Variants in ARMC9 observed in about 807,000 individuals in gnomAD.
ARMC9 encodes the protein lisH domain-containing protein ARMC9.
ARMC9 carries 94 observed loss-of-function variants against 107.0 expected under a neutral mutation model. The ratio of observed to expected loss-of-function variants is 0.88; its 90% CI spans 0.74 to 1.04. The LOEUF is 1.04. ARMC9 is among the 50% of genes least tolerant of loss of function. ARMC9 has a pLI of 0.00. For synonymous variants in ARMC9, 380 were observed against 396.9 expected, an observed-to-expected ratio of 0.96 and a Z score of 0.51; for missense variants, 942 against 1,030.1, an observed-to-expected ratio of 0.91 and a Z score of 1.17.
At chr2:231,334,684 C>T (rs775569929) in intron 20 of ARMC9, among the ~76,000 whole-genome samples, 3 of 152,064 alleles carry the variant, frequency 2.0e-5, no homozygotes, top group Admixed American at 6.6e-5. Context: ...GCGCTGAGGC[C>T]GGATGCACTC....
In ARMC9 at chr2:231,208,218, G is replaced by A; in HGVS notation, c.143G>A (p.Gly48Glu). The A allele has an allele frequency of 6.2e-7, 1 of 1,610,500 alleles. No individual in the cohort carries two copies. Among genetic ancestry groups the A allele is most frequent in the Middle Eastern group, 1.7e-4 (1 of 6,054 alleles). Residue 48 changes from glycine to glutamate, a missense_variant, in exon 3 of 25, where the codon GGA (glycine) becomes GAA (glutamate). Physicochemically the swap from Gly to Glu is moderately conservative, Grantham distance 98. Coordinates refer to ENST00000611582, the MANE Select transcript of ARMC9 (RefSeq NM_001352754.2). ...AAACCATTGTGTAAAACAGTAGGCG[G>A]ATCTTTCAGAGACTCCAAATCATTG... ...KGKPLCKTVGGSFRDSKSLTI... is the reference protein window; with the variant it reads ...KGKPLCKTVGESFRDSKSLTI...
At chr2:231,223,382 A>G (rs1358126269) in intron 6 of ARMC9, among the ~76,000 whole-genome samples, 3 of 152,232 alleles carry the variant, frequency 2.0e-5, no homozygotes, top group Admixed American at 6.5e-5. Context: ...TAACTGGACA[A>G]AGTACCAGGG....
chr2:231,333,602 G>A (rs1004432185), intron 20 of ARMC9, among the ~76,000 whole-genome samples: 7 of 152,190 alleles, frequency 4.6e-5, no homozygotes, highest in Non-Finnish European at 7.3e-5. Flanking sequence ...GGCCTCTGTC[G>A]CCCTTTGGAA....
chr2:231,363,590 A>G (rs968180641), intron 23 of ARMC9, among the ~76,000 whole-genome samples: 6 of 152,194 alleles, frequency 3.9e-5, no homozygotes, highest in African/African-American at 1.4e-4. Flanking sequence ...AGGCTAGAGA[A>G]TAAAAGTCTA....
In ARMC9 at chr2:231,326,409, G is replaced by A. The variant is rs1000420111; in HGVS notation, c.1774-5384G>A. 2.6e-5 allele frequency among the ~76,000 whole-genome samples: 4 copies of A among 152,258 alleles called. No homozygotes were observed. The East Asian group carries it at 7.7e-4, about 29-fold the overall frequency. Reference sequence around the variant, plus strand: ...CCCCAAATGCAAGCTAGCAGGAGCAGCATCTCCTCAGTAGCCCCTTCCCTG... The same window carrying A: ...CCCCAAATGCAAGCTAGCAGGAGCAACATCTCCTCAGTAGCCCCTTCCCTG... On this transcript the variant is annotated intron_variant, in intron 19 of 24. Coordinates refer to ENST00000611582, the MANE Select transcript of ARMC9 (RefSeq NM_001352754.2).
At chr2:231,214,782 G>A (rs2033308502) in intron 3 of ARMC9, 49 bp from the exon 4 acceptor site, 2 of 1,580,294 alleles carry the variant, frequency 1.3e-6, no homozygotes, top group Non-Finnish European at 1.7e-6. Context: ...TGAGAATTTT[G>A]GGTGTTGAAA....
chr2:231,361,124 G>A (rs748863478), intron 23 of ARMC9, among the ~76,000 whole-genome samples: 10 of 152,250 alleles, frequency 6.6e-5, no homozygotes, highest in Admixed American at 3.3e-4. Context: ...GCACTCAGAA[G>A]CATGCCCATG....
Position 231,376,570 on chromosome 2 carries a change from C to G in ARMC9, c.*5035C>G, listed in dbSNP as rs1008116566. Among the ~76,000 whole-genome samples, 11 of 152,314 alleles carry G rather than the reference C, an allele frequency of 7.2e-5. No individual in the cohort carries two copies. The highest frequency in any genetic ancestry group is 2.6e-4 in the African/African-American group (11 of 41,544). On this transcript the variant is annotated 3_prime_UTR_variant, in exon 25 of 25. Coordinates refer to ENST00000611582, the MANE Select transcript of ARMC9 (RefSeq NM_001352754.2). ...GACCGGTTGCTCTCAAACCCTGTCT[C>G]CTGATAAGATGTTATCAATGACAAT... is the stretch of plus-strand genomic sequence containing the variant.
intron 21 of ARMC9, among the ~76,000 whole-genome samples, chr2:231,352,930 C>T (rs1460765821): frequency 7.6e-6 from 1 of 130,996 alleles, no homozygotes; most frequent in Non-Finnish European, 1.5e-5. Context: ...GGCCGGGCGC[C>T]ATGGCTCACG....
At chr2:231,224,072 G>T (rs1419661791) in intron 6 of ARMC9, among the ~76,000 whole-genome samples, 1 of 152,020 alleles carries the variant, frequency 6.6e-6, no homozygotes, top group Non-Finnish European at 1.5e-5. Flanking sequence ...ATAATTATGG[G>T]TGCCAATATG....
At chr2:231,359,921 T>C (rs1412758766) in intron 22 of ARMC9, among the ~76,000 whole-genome samples, 2 of 152,072 alleles carry the variant, frequency 1.3e-5, no homozygotes, top group African/African-American at 4.8e-5. Context: ...ATTAAACAGA[T>C]CACATTGCAA....
At chr2:231,285,499 A>T (rs2040522431) in intron 17 of ARMC9, among the ~76,000 whole-genome samples, 1 of 151,812 alleles carries the variant, frequency 6.6e-6, no homozygotes, top group African/African-American at 2.4e-5. Flanking sequence ...TACAATAATT[A>T]GCCAGGTGTG....
rs150602489 is a variant in ARMC9 at position 231,213,737 on chromosome 2, A to C, written c.178-1094A>C. Among the ~76,000 whole-genome samples, 486 of 152,236 alleles carry C rather than the reference A, an allele frequency of 3.2e-3. 2 individuals are homozygous for C. The highest frequency in any genetic ancestry group is 0.011 in the African/African-American group (469 of 41,542). ...TGATCCACCTGCCTTGGCCTCCCGA[A>C]GTGCTGGGATTACAGGTGTGAGCCA... On this transcript the variant is annotated intron_variant, in intron 3 of 24. Coordinates refer to ENST00000611582, the MANE Select transcript of ARMC9 (RefSeq NM_001352754.2).
At chr2:231,248,833 A>T (rs868046744) in intron 9 of ARMC9, among the ~76,000 whole-genome samples, 1 of 145,156 alleles carries the variant, frequency 6.9e-6, no homozygotes, top group South Asian at 2.2e-4. Context: ...AAAAAAAAAA[A>T]GCTGGCCATA....
chr2:231,259,041 A>G lies in ARMC9; in HGVS notation c.965A>G (p.Lys322Arg). 1 of 1,614,190 alleles carries G rather than the reference A, an allele frequency of 6.2e-7. No individual in the cohort carries two copies. The highest frequency in any genetic ancestry group is 8.5e-7 in the Non-Finnish European group (1 of 1,180,022). Residue 322 changes from lysine (K) to arginine (R), a missense_variant, in exon 11 of 25, where the codon AAG becomes AGG. Lys to Arg is a conservative substitution (Grantham distance 26, BLOSUM62 2). Transcript: ENST00000611582. Reference sequence around the variant, plus strand: ...CCCTCCTTGGATTATGAGAAACTGAAGAAGGATTTGATTTTGGGGAGTGAC... The same window carrying G: ...CCCTCCTTGGATTATGAGAAACTGAGGAAGGATTTGATTTTGGGGAGTGAC... ...LLPSLDYEKL[K>R]KDLILGSDRL...
At chr2:231,271,608 T>C (rs1224280756) in intron 13 of ARMC9, among the ~76,000 whole-genome samples, 3 of 152,240 alleles carry the variant, frequency 2.0e-5, no homozygotes, top group Non-Finnish European at 4.4e-5. Context: ...ATTTGAGCTC[T>C]TTATAATGTG....
chr2:231,219,183 T>C (rs2033854640), intron 5 of ARMC9, among the ~76,000 whole-genome samples: 1 of 152,170 alleles, frequency 6.6e-6, no homozygotes, highest in Non-Finnish European at 1.5e-5. Context: ...ATATTTTAAA[T>C]GTACAAATTA....
At chr2:231,274,690 T>C (rs1177355714) in intron 14 of ARMC9, among the ~76,000 whole-genome samples, 3 of 152,212 alleles carry the variant, frequency 2.0e-5, no homozygotes, top group Non-Finnish European at 4.4e-5. Flanking sequence ...GGTCCTCTTC[T>C]GAACACACTT....
chr2:231,268,111 T>C (rs879916280), intron 12 of ARMC9, among the ~76,000 whole-genome samples: 2 of 152,132 alleles, frequency 1.3e-5, no homozygotes, highest in Non-Finnish European at 2.9e-5. Flanking sequence ...GAATATATAA[T>C]ATATGGTTTC....
Sources: allele counts gnomAD v4.1 joint callset (sites outside exome capture counted in the v4.1 genomes callset), GRCh38; gene constraint gnomAD v4.1.1; transcripts MANE v1.5; gene names NCBI Gene and HGNC (gene_info 2026-07-23, HGNC 2026-07-21).